CDH18: variants seen among roughly 807,000 people sequenced by gnomAD.
CDH18 encodes cadherin-18.
CDH18 carries 31 observed loss-of-function variants against 67.9 expected under a neutral mutation model. That is an observed-to-expected ratio of 0.46 (90% confidence interval 0.34 to 0.62). The LOEUF (loss-of-function observed/expected upper bound fraction) is 0.62. Ranked by LOEUF, CDH18 falls within the 20% of genes least tolerant of loss-of-function variation. The pLI is 0.01. For missense variants in CDH18, 890 were observed against 975.5 expected (o/e 0.91, Z 1.17); for synonymous variants, 362 against 347.2 (o/e 1.04, Z -0.48).
intron 12 of CDH18, among the ~76,000 whole-genome samples, chr5:19,478,829 T>G (rs1738927326): frequency 6.6e-6 from 1 of 152,154 alleles, no homozygotes; most frequent in South Asian, 2.1e-4. Context: ...GAGAGAGGAT[T>G]TCAGCTACCT....
chr5:20,048,594 C>T (rs992211452), intron 2 of CDH18, among the ~76,000 whole-genome samples: 2 of 151,444 alleles, frequency 1.3e-5, no homozygotes, highest in Admixed American at 6.6e-5. Flanking sequence ...AACTTTCAGG[C>T]GGTAATCAAA....
intron 2 of CDH18, among the ~76,000 whole-genome samples, chr5:20,021,229 A>T (rs2150433577): frequency 6.6e-6 from 1 of 152,078 alleles, no homozygotes; most frequent in Admixed American, 6.5e-5. Flanking sequence ...TTTATTTTTA[A>T]TTTTACTGTC....
chr5:19,494,473 C>G (rs928495220), intron 11 of CDH18, among the ~76,000 whole-genome samples: 2 of 152,276 alleles, frequency 1.3e-5, no homozygotes, highest in Middle Eastern at 3.4e-3. Context: ...AGTCTAACTC[C>G]GAAACATTCT....
At chr5:19,685,973 T>C (rs12517399) in intron 5 of CDH18, among the ~76,000 whole-genome samples, 2,191 of 152,228 alleles carry the variant, frequency 0.014, 43 homozygotes, top group East Asian at 0.065. Context: ...AAATTTTACA[T>C]GTGCCAGAAA....
chr5:20,123,609 C>A (rs1237858281), intron 2 of CDH18, among the ~76,000 whole-genome samples: 1 of 152,144 alleles, frequency 6.6e-6, no homozygotes, highest in Admixed American at 6.5e-5. Context: ...GTCGGCCCGG[C>A]GCGGTGGCTC....
intron 3 of CDH18, among the ~76,000 whole-genome samples, chr5:19,772,772 G>C (rs1773871612): frequency 6.6e-6 from 1 of 152,142 alleles, no homozygotes; most frequent in Non-Finnish European, 1.5e-5. Context: ...ATGTAGATTT[G>C]AACCACAGTA....
At chr5:19,518,553 G>T (rs1162684078) in intron 10 of CDH18, among the ~76,000 whole-genome samples, 1 of 146,384 alleles carries the variant, frequency 6.8e-6, no homozygotes, top group African/African-American at 2.7e-5. Context: ...AAAACAGGCA[G>T]AAGATGGAAG....
At chr5:19,990,125 T>G (rs192623588), upstream of CDH18, among the ~76,000 whole-genome samples, 1 of 152,190 alleles carries the variant, frequency 6.6e-6, no homozygotes, top group Admixed American at 6.5e-5. Context: ...TTCCAATCTT[T>G]CTATGTTGAT....
chr5:19,964,076 G>A (rs919736065), intron 2 of CDH18, among the ~76,000 whole-genome samples: 1 of 152,022 alleles, frequency 6.6e-6, no homozygotes, highest in Non-Finnish European at 1.5e-5. Context: ...TGAGGACACA[G>A]CCAAACCATA....
chr5:20,542,921 C>T (rs1651445), intron 1 of CDH18, among the ~76,000 whole-genome samples: 106,695 of 151,784 alleles, frequency 0.7, 37,861 homozygotes, highest in East Asian at 0.98. Context: ...TTTAAACAAA[C>T]TTCACATTCC....
chr5:20,029,984 T>TGTAGTTGTAGGATC (rs1739244356), intron 2 of CDH18, among the ~76,000 whole-genome samples: 1 of 152,028 alleles, frequency 6.6e-6, no homozygotes, highest in Non-Finnish European at 1.5e-5. Context: ...GTTGTAGGAT[T>TGTAGTTGTAGGATC]GAGGTATTGT....
chr5:19,526,110 C>G, intron 9 of CDH18, among the ~76,000 whole-genome samples: 1 of 151,846 alleles, frequency 6.6e-6, no homozygotes, highest in East Asian at 1.9e-4. Context: ...ATTTGTAAGC[C>G]TATAATAAGA....
intron 6 of CDH18, among the ~76,000 whole-genome samples, chr5:19,597,635 AAC>A (rs1415833627): frequency 1.3e-5 from 2 of 152,212 alleles, no homozygotes; most frequent in Non-Finnish European, 2.9e-5. Flanking sequence ...AATGTCATGA[AAC>A]ACACACGTAT....
rs74828852 is a variant in CDH18, at chr5:19,639,414, A to G, written c.644-26813T>C. 2.8e-4 allele frequency among the ~76,000 whole-genome samples: 43 copies of G among 152,326 alleles called. No homozygotes were observed. The East Asian group carries it at 7.9e-3, about 28-fold the overall frequency. ...GGTGGATGCCCTAACAGCCTGCTCT[A>G]CAGAACACCCAAGCAATCTTTGCTA... is the stretch of plus-strand genomic sequence containing the variant. On this transcript the variant is annotated intron_variant, in intron 5 of 12. Coordinates refer to ENST00000382275, the MANE Select transcript of CDH18 (RefSeq NM_004934.5).
At chr5:19,495,739 A>G (rs113013086) in intron 11 of CDH18, among the ~76,000 whole-genome samples, 36 of 142,026 alleles carry the variant, frequency 2.5e-4, no homozygotes, top group East Asian at 1.4e-3. Flanking sequence ...AAAAAAAAAA[A>G]AAAGAAAGAA....
At chr5:20,004,756 T>G (rs1038267965) in intron 2 of CDH18, among the ~76,000 whole-genome samples, 1 of 152,158 alleles carries the variant, frequency 6.6e-6, no homozygotes, top group African/African-American at 2.4e-5. Flanking sequence ...AAGAAAAGAC[T>G]TAAAATGTGT....
rs189838375 is a variant in CDH18, at chr5:20,221,365, A to G, written c.-518+34079T>C. The stretch of plus-strand genomic sequence containing the variant: ...TTAAGTGAAATAAGCCTGGCACAGA[A>G]AGACAAAATTCACATGTTTCCACTC... On this transcript the variant is annotated intron_variant, in intron 2 of 14. Coordinates refer to the CDH18 transcript ENST00000507958. 2.2e-3 allele frequency among the ~76,000 whole-genome samples: 335 copies of G among 152,276 alleles called. 3 individuals are homozygous for G. The highest frequency in any genetic ancestry group is 7.5e-3 in the African/African-American group (313 of 41,572).
At chr5:20,513,964 A>C (rs1450174373) in intron 1 of CDH18, among the ~76,000 whole-genome samples, 1 of 152,150 alleles carries the variant, frequency 6.6e-6, no homozygotes, top group Non-Finnish European at 1.5e-5. Flanking sequence ...ATTCACAAAA[A>C]TGTTGCTGAT....
intron 2 of CDH18, among the ~76,000 whole-genome samples, chr5:19,916,525 A>G (rs1191898111): frequency 6.6e-6 from 1 of 151,950 alleles, no homozygotes; most frequent in Admixed American, 6.6e-5. Context: ...GCACATCTCT[A>G]TTGCCTTCCA....
Sources: gnomAD v4.1 joint callset for allele counts (sites outside exome capture counted in the v4.1 genomes callset) on GRCh38, gnomAD v4.1.1 for gene constraint, MANE v1.5 for transcripts, NCBI Gene and HGNC (gene_info 2026-07-23, HGNC 2026-07-21) for gene names.